Variants in PLGRKT observed in about 807,000 individuals in gnomAD.
PLGRKT encodes plasminogen receptor with a C-terminal lysine, also known as plasminogen receptor (KT).
PLGRKT carries 22 observed loss-of-function variants against 18.5 expected under a neutral mutation model. The observed-to-expected ratio is 1.19, with a 90% CI of 0.85 to 1.70. PLGRKT has a LOEUF of 1.70. PLGRKT is among the 40% of genes most tolerant of loss of function. The pLI is 0.00. For missense variants in PLGRKT, 235 were observed against 174.4 expected (o/e 1.35, Z -1.96); for synonymous variants, 72 against 52.8 (o/e 1.36, Z -1.58).
At chr9:5,381,837 C>T (rs1817752711) in intron 3 of PLGRKT, 6 of 971,924 alleles carry the variant, frequency 6.2e-6, no homozygotes, top group African/African-American at 3.5e-5. Flanking sequence ...AAAGCAAAAA[C>T]AACAGACTAA....
At chr9:5,370,407 A>G (rs1817491238) in intron 3 of PLGRKT, among the ~76,000 whole-genome samples, 1 of 152,236 alleles carries the variant, frequency 6.6e-6, no homozygotes, top group African/African-American at 2.4e-5. Flanking sequence ...CACAAAGGCA[A>G]TGACATTATC....
chr9:5,404,424 C>T (rs1359887607), intron 3 of PLGRKT, among the ~76,000 whole-genome samples: 2 of 152,182 alleles, frequency 1.3e-5, no homozygotes, highest in African/African-American at 2.4e-5. Context: ...AAAGCTTATC[C>T]ATCCCAATCA....
intron 3 of PLGRKT, among the ~76,000 whole-genome samples, chr9:5,381,039 T>G (rs1163134743): frequency 6.6e-6 from 1 of 152,258 alleles, no homozygotes; most frequent in Non-Finnish European, 1.5e-5. Flanking sequence ...TGTTTCTCCT[T>G]CACCTTCTGC....
intron 1 of PLGRKT, 66 bp downstream of exon 1, chr9:5,437,723 A>G (rs1438371431): frequency 6.6e-6 from 1 of 152,266 alleles, no homozygotes; most frequent in South Asian, 2.1e-4. Context: ...AGCCCAGGAG[A>G]TCGCGCTGAC....
rs1563778113 is a variant in PLGRKT, at chr9:5,395,825, G to GC, written c.82-33938_82-33937insG. Among the ~76,000 whole-genome samples the GC allele has an allele frequency of 9.4e-5, 14 of 149,158 alleles. No homozygotes were observed. The South Asian group carries it at 2.5e-3, about 27-fold the overall frequency. Reference sequence around the variant, plus strand: ...GGAAACATTGACAAAAAAAAAGGTGGATTTTTTTTATTTGATTGGATACCA... The same window carrying GC: ...GGAAACATTGACAAAAAAAAAGGTGGCATTTTTTTTATTTGATTGGATACCA... On this transcript the variant is annotated intron_variant, in intron 3 of 5. Coordinates refer to ENST00000223864, the MANE Select transcript of PLGRKT (RefSeq NM_018465.4).
chr9:5,362,070 A>G (rs1181704105), intron 3 of PLGRKT, among the ~76,000 whole-genome samples, 182 bp from the exon 4 acceptor site: 1 of 152,244 alleles, frequency 6.6e-6, no homozygotes, highest in Non-Finnish European at 1.5e-5. Context: ...TCACCTTGGC[A>G]GTGAAATCTT....
intron 3 of PLGRKT, among the ~76,000 whole-genome samples, chr9:5,402,813 TAA>T (rs1356257815): frequency 6.6e-6 from 1 of 151,978 alleles, no homozygotes; most frequent in Non-Finnish European, 1.5e-5. Flanking sequence ...ACAGCAAAAT[TAA>T]GTCCTTAACG....
chr9:5,389,528 AT>A (rs1817907531), intron 3 of PLGRKT, among the ~76,000 whole-genome samples: 1 of 151,814 alleles, frequency 6.6e-6, no homozygotes, highest in African/African-American at 2.4e-5. Context: ...AAGACTTTCC[AT>A]TTCCTCCAGT....
intron 3 of PLGRKT, among the ~76,000 whole-genome samples, chr9:5,374,948 G>A (rs1339272763): frequency 6.6e-6 from 1 of 151,932 alleles, no homozygotes; most frequent in East Asian, 1.9e-4. Context: ...TCTACAGAAA[G>A]GTCAGCTTGA....
intron 3 of PLGRKT, among the ~76,000 whole-genome samples, chr9:5,413,540 C>T (rs937347536): frequency 1.3e-5 from 2 of 152,130 alleles, no homozygotes; most frequent in African/African-American, 4.8e-5. Flanking sequence ...ATGAAGATGC[C>T]ATGCTGCTAG....
At chr9:5,416,903 A>C (rs1298490285) in intron 3 of PLGRKT, among the ~76,000 whole-genome samples, 1 of 152,254 alleles carries the variant, frequency 6.6e-6, no homozygotes, top group East Asian at 1.9e-4. Flanking sequence ...ATTTCTGGAC[A>C]TCAGAATATA....
chr9:5,383,420 C>T (rs1817782848), intron 3 of PLGRKT, among the ~76,000 whole-genome samples: 1 of 152,102 alleles, frequency 6.6e-6, no homozygotes, highest in Non-Finnish European at 1.5e-5. Context: ...GCACCAGGGA[C>T]CAGTTTCATG....
chr9:5,409,346 G>A lies in PLGRKT; in HGVS notation c.81+22551C>T, dbSNP rs181959059. ...GTGAATATAAAGCAGGCAGAAAGAC[G>A]TGAAAAGGTTAGACTGGCGTAGCCT... On this transcript the variant is annotated intron_variant, in intron 3 of 5. Coordinates refer to ENST00000223864, the MANE Select transcript of PLGRKT (RefSeq NM_018465.4). 2.6e-5 allele frequency among the ~76,000 whole-genome samples: 4 copies of A among 152,286 alleles called. No individual in the cohort carries two copies. In the East Asian group the frequency reaches 5.8e-4, roughly 22 times the overall value.
chr9:5,418,748 C>T lies in PLGRKT; in HGVS notation c.81+13149G>A. 1 of 692,558 alleles carries T rather than the reference C, an allele frequency of 1.4e-6. No homozygotes were observed. Among genetic ancestry groups the T allele is most frequent in the Non-Finnish European group, 2.6e-6 (1 of 382,154 alleles). 42.9% of individuals were successfully genotyped at this position (692,558 alleles called of 1,614,324 possible). A position where few individuals can be genotyped will look rare whatever the true frequency, so the allele number is the denominator to read the frequency against. The stretch of plus-strand genomic sequence containing the variant: ...TCCGAAGCGTGTGGAATGGTGATGA[C>T]AGCCAGGACCTCGGGGTCGTCGAGG... On this transcript the variant is annotated intron_variant, in intron 3 of 5. Coordinates refer to ENST00000223864, the MANE Select transcript of PLGRKT (RefSeq NM_018465.4). The surrounding 1 kb of genome is among the most constrained non-coding windows in gnomAD (Gnocchi z 4.2).
chr9:5,422,552 A>C (rs1191510781), intron 3 of PLGRKT, among the ~76,000 whole-genome samples: 7 of 152,266 alleles, frequency 4.6e-5, no homozygotes, highest in Non-Finnish European at 1.0e-4. Context: ...AGAAAGACTT[A>C]GGAGTCATAA....
At chr9:5,363,734 G>A (rs1483038815) in intron 3 of PLGRKT, among the ~76,000 whole-genome samples, 4 of 152,088 alleles carry the variant, frequency 2.6e-5, no homozygotes, top group African/African-American at 9.7e-5. Context: ...CCCAAGCCTA[G>A]GTCATACCAG....
chr9:5,369,153 C>G lies in PLGRKT; in HGVS notation c.82-7265G>C, dbSNP rs1181209086. ...GCTTCTGCACAGCAAAAGAAACTAT[C>G]ATCAGAGTGAACAGACCAACTACAG... On this transcript the variant is annotated intron_variant, in intron 3 of 5. Transcript: ENST00000223864. Among the ~76,000 whole-genome samples the G allele has an allele frequency of 2.0e-5, 3 of 152,192 alleles. No homozygotes were observed. The East Asian group carries it at 5.8e-4, about 29-fold the overall frequency.
chr9:5,373,452 G>C (rs1205067868), intron 3 of PLGRKT, among the ~76,000 whole-genome samples: 1 of 152,170 alleles, frequency 6.6e-6, no homozygotes, highest in Non-Finnish European at 1.5e-5. Flanking sequence ...ACAAATGTGG[G>C]TCTGGGGCTC....
At chr9:5,397,505 T>C (rs1335990805) in intron 3 of PLGRKT, among the ~76,000 whole-genome samples, 1 of 149,758 alleles carries the variant, frequency 6.7e-6, no homozygotes, top group Non-Finnish European at 1.5e-5. Context: ...GTTCATCAAA[T>C]ATTTGTTGAA....
Sources: gnomAD v4.1 joint callset for allele counts (sites outside exome capture counted in the v4.1 genomes callset) on GRCh38, gnomAD v4.1.1 for gene constraint, Gnocchi (gnomAD v3.1) non-coding constraint, MANE v1.5 for transcripts, NCBI Gene and HGNC (gene_info 2026-07-23, HGNC 2026-07-21) for gene names.